The following CFAP20 variants were observed in gnomAD, a reference collection of about 807,000 sequenced individuals.
CFAP20 encodes the protein cilia and flagella associated protein 20, also known as cilia- and flagella-associated protein 20.
In CFAP20, 14 loss-of-function variants were observed where a neutral mutation model predicts 25.5. The ratio of observed to expected loss-of-function variants is 0.55; its 90% CI spans 0.36 to 0.86. The LOEUF (loss-of-function observed/expected upper bound fraction) is 0.86. Ranked by LOEUF, CFAP20 falls within the 40% of genes least tolerant of loss-of-function variation. The pLI is 0.01. For synonymous variants in CFAP20, 75 were observed against 91.1 expected (o/e 0.82, Z 1.01); for missense variants, 181 against 248.0 (o/e 0.73, Z 1.81).
chr16:58,116,908 TG>T lies in CFAP20; in HGVS notation c.127del (p.Gln43SerfsTer5). On this transcript the variant is annotated frameshift_variant, in exon 2 of 6. Transcript: ENST00000262498. LOFTEE classifies it high-confidence loss of function. ...CCCTTCAATCTCTAGCACCAGGGAC[TG>T]GATGTCATTATCAGTGATTCTTTTG... ...HIKRITDNDI[Q>X]SLVLEIEGTN... is the part of the protein sequence containing the mutation. 6.2e-7 allele frequency: 1 copy of T among 1,614,232 alleles called. No homozygotes were observed. The highest frequency in any genetic ancestry group is 2.2e-5 in the East Asian group (1 of 44,890).
chr16:58,115,676 A>T, intron 3 of CFAP20: 1 of 598,514 alleles, frequency 1.7e-6, no homozygotes, highest in Non-Finnish European at 2.9e-6. Context: ...TGCTTATGAC[A>T]TATAACACAG....
At chr16:58,127,470 C>T (rs1158492553) in intron 1 of CFAP20, among the ~76,000 whole-genome samples, 2 of 152,256 alleles carry the variant, frequency 1.3e-5, no homozygotes, top group Admixed American at 1.3e-4. Context: ...CCCCTCTCTT[C>T]ATGCCTTCTG....
intron 2 of CFAP20, 131 bp from the exon 3 acceptor site, chr16:58,116,283 G>T: frequency 1.7e-6 from 1 of 604,234 alleles, no homozygotes; most frequent in Non-Finnish European, 2.8e-6. Context: ...GCCACCCAGT[G>T]AATCCCTCAG....
chr16:58,115,603 C>T (rs1960446769), intron 3 of CFAP20, 146 bp from the exon 4 acceptor site: 1 of 908,524 alleles, frequency 1.1e-6, no homozygotes, highest in Non-Finnish European at 1.7e-6. Flanking sequence ...ACAGGTCATA[C>T]ACTGCATGCA....
chr16:58,124,824 G>C (rs1049265638), intron 1 of CFAP20, among the ~76,000 whole-genome samples: 8 of 151,968 alleles, frequency 5.3e-5, no homozygotes, highest in Non-Finnish European at 1.0e-4. Flanking sequence ...TAGTTATTTA[G>C]TTAGTGCTGG....
At chr16:58,122,060 T>G (rs1401704745) in intron 1 of CFAP20, among the ~76,000 whole-genome samples, 1 of 152,208 alleles carries the variant, frequency 6.6e-6, no homozygotes, top group Non-Finnish European at 1.5e-5. Context: ...GGTTAAGGGC[T>G]GGGTTCCCAG....
chr16:58,119,509 G>A (rs953730083), intron 1 of CFAP20, among the ~76,000 whole-genome samples: 2 of 152,294 alleles, frequency 1.3e-5, no homozygotes, highest in African/African-American at 4.8e-5. Flanking sequence ...CCACAGGGCC[G>A]CCAGCATGAA....
Position 58,113,864 on chromosome 16 carries a change from G to T in CFAP20, c.*161C>A. ...ACTTACAATGCAGTCACAGAGTTACGGCATGTTCACCGGTGTCCATGACAA... is the reference window on the plus strand; with the variant it reads ...ACTTACAATGCAGTCACAGAGTTACTGCATGTTCACCGGTGTCCATGACAA... On this transcript the variant is annotated 3_prime_UTR_variant, in exon 6 of 6. Coordinates refer to ENST00000262498, the MANE Select transcript of CFAP20 (RefSeq NM_013242.3). 1 of 793,840 alleles carries T rather than the reference G, an allele frequency of 1.3e-6. No individual in the cohort carries two copies. The highest frequency in any genetic ancestry group is 2.7e-5 in the East Asian group (1 of 37,482). 49.2% of individuals were successfully genotyped at this position (793,840 alleles called of 1,614,324 possible). A position where few individuals can be genotyped will look rare whatever the true frequency, so the allele number is the denominator to read the frequency against.
chr16:58,121,886 T>C (rs1363919397), intron 1 of CFAP20, among the ~76,000 whole-genome samples: 1 of 152,258 alleles, frequency 6.6e-6, no homozygotes, highest in East Asian at 1.9e-4. Flanking sequence ...ATAACATGAG[T>C]TGTATCCATT....
At position 58,115,359 on chromosome 16, in the gene CFAP20, C is replaced by T; in HGVS notation, c.375G>A (p.Leu125=). Residue 125 remains leucine (L), a synonymous_variant, in exon 4 of 6, where the codon CTG becomes CTA. Coordinates refer to ENST00000262498, the MANE Select transcript of CFAP20 (RefSeq NM_013242.3). Reference sequence around the variant, plus strand: ...ACTGAATCTGGTTCCAGCCGTCATCCAGCCGCATGGGCATGGTGCAGATGA... The same window carrying T: ...ACTGAATCTGGTTCCAGCCGTCATCTAGCCGCATGGGCATGGTGCAGATGA... ...KPFICTMPMR[L]DDGWNQIQFN... The T allele has an allele frequency of 4.3e-6, 7 of 1,614,260 alleles. No homozygotes were observed. The highest frequency in any genetic ancestry group is 5.1e-6 in the Non-Finnish European group (6 of 1,180,046).
In CFAP20 at chr16:58,129,360, G is replaced by A; in HGVS notation, c.-245C>T. ...AACCACAGCAACTACCGTCCGCGCC[G>A]CGGTATTTCCCCGCCTTCAATGGAG... On this transcript the variant is annotated 5_prime_UTR_variant, in exon 1 of 6. Coordinates refer to ENST00000262498, the MANE Select transcript of CFAP20 (RefSeq NM_013242.3). 1 of 490,124 alleles carries A rather than the reference G, an allele frequency of 2.0e-6. No individual in the cohort carries two copies. The highest frequency in any genetic ancestry group is 3.7e-6 in the Non-Finnish European group (1 of 273,710). 30.4% of individuals were successfully genotyped at this position (490,124 alleles called of 1,614,324 possible).
Position 58,115,396 on chromosome 16 carries a change from C to T in CFAP20, c.338G>A (p.Arg113Gln), listed in dbSNP as rs761689275. ...CATGGTGCAGATGAAGGGTTTGACCCGGGTGGTGCTCTGGTAGTTACTTGC... is the reference window on the plus strand; with the variant it reads ...CATGGTGCAGATGAAGGGTTTGACCTGGGTGGTGCTCTGGTAGTTACTTGC... ...FRASNYQSTTRVKPFICTMPM... is the reference protein window; with the variant it reads ...FRASNYQSTTQVKPFICTMPM... The change falls in exon 4 of 6, where the codon CGG becomes CAG. Residue 113 changes from arginine to glutamine, a missense_variant. Transcript: ENST00000262498. 14 of 1,614,108 alleles carry T rather than the reference C, an allele frequency of 8.7e-6. No homozygotes were observed. Among genetic ancestry groups the T allele is most frequent in the African/African-American group, 6.7e-5 (5 of 74,934 alleles).
chr16:58,124,981 T>A lies in CFAP20; in HGVS notation c.84+4051A>T, dbSNP rs547458963. Among the ~76,000 whole-genome samples, 10 of 152,372 alleles carry A rather than the reference T, an allele frequency of 6.6e-5. No homozygotes were observed. The East Asian group carries it at 1.9e-3, about 29-fold the overall frequency. On this transcript the variant is annotated intron_variant, in intron 1 of 5. Coordinates refer to ENST00000262498, the MANE Select transcript of CFAP20 (RefSeq NM_013242.3). ...TAAATTAACCTTGGCTTACTGGAAC[T>A]TTTTTACTTTATAAACTTTAAAAAT...
intron 4 of CFAP20, 45 bp from the exon 5 acceptor site, chr16:58,114,965 T>C (rs1960437333): frequency 6.7e-7 from 1 of 1,501,088 alleles, no homozygotes; most frequent in Non-Finnish European, 9.3e-7. Context: ...GTGACTGTTC[T>C]CCCCCTTTTC....
chr16:58,114,770 C>G (rs77457068), intron 5 of CFAP20, 40 bp downstream of exon 5: 49 of 1,500,134 alleles, frequency 3.3e-5, no homozygotes, highest in African/African-American at 2.1e-4. Flanking sequence ...CAGCTCCCCC[C>G]ACTCACTGGT....
intron 3 of CFAP20, chr16:58,115,823 T>C: frequency 2.0e-6 from 1 of 511,514 alleles, no homozygotes. Flanking sequence ...ACTTTGAAAT[T>C]ACTAGGTTTT....
At position 58,123,048 on chromosome 16, in the gene CFAP20, G is replaced by A. The variant is rs148100414; in HGVS notation, c.84+5984C>T. Among the ~76,000 whole-genome samples the A allele has an allele frequency of 2.9e-3, 447 of 152,038 alleles. 12 individuals carry two copies. In the East Asian group the frequency reaches 0.077, roughly 26 times the overall value. On this transcript the variant is annotated intron_variant, in intron 1 of 5. Transcript: ENST00000262498. The stretch of plus-strand genomic sequence containing the variant: ...TTGCTTTTGTTGCCCAGGCTGGAGT[G>A]CAATGGCACCATCTCGGCTCACCGC...
intron 1 of CFAP20, among the ~76,000 whole-genome samples, chr16:58,123,566 A>AGC (rs1348644858): frequency 8.0e-6 from 1 of 125,534 alleles, no homozygotes; most frequent in Non-Finnish European, 1.6e-5. Context: ...ACTGCACTCC[A>AGC]GCCTGGGGGA....
intron 1 of CFAP20, among the ~76,000 whole-genome samples, chr16:58,117,438 CT>C (rs964843674): frequency 6.6e-6 from 1 of 152,042 alleles, no homozygotes; most frequent in Admixed American, 6.6e-5. Flanking sequence ...TTTCTTTTTT[CT>C]TTTTTCTGAG....
Sources: gnomAD v4.1 joint callset for allele counts (sites outside exome capture counted in the v4.1 genomes callset) on GRCh38, gnomAD v4.1.1 for gene constraint, MANE v1.5 for transcripts, NCBI Gene and HGNC (gene_info 2026-07-23, HGNC 2026-07-21) for gene names.